The following PUS3 variants were observed in gnomAD, a reference collection of about 807,000 sequenced individuals.
The protein encoded by PUS3 is pseudouridine synthase 3.
A neutral mutation model predicts 43.3 loss-of-function variants in PUS3; 36 were observed. The observed-to-expected ratio is 0.83, with a 90% CI of 0.64 to 1.10. The LOEUF (loss-of-function observed/expected upper bound fraction) is 1.10, where lower values mean the gene tolerates loss of function less well. PUS3 is among the 50% of genes least tolerant of loss of function. The pLI is 0.00. For synonymous variants in PUS3, 183 were observed against 199.2 expected, an observed-to-expected ratio of 0.92 and a Z score of 0.69; for missense variants, 544 against 589.9, an observed-to-expected ratio of 0.92 and a Z score of 0.81.
chr11:125,902,168 C>T (rs1944790484), intron 1 of PUS3, among the ~76,000 whole-genome samples: 4 of 152,092 alleles, frequency 2.6e-5, no homozygotes, highest in African/African-American at 2.4e-5. Flanking sequence ...TACCCTAATT[C>T]AGGGTGAAGT....
At chr11:125,901,890 A>G (rs1490884674) in intron 1 of PUS3, among the ~76,000 whole-genome samples, 3 of 152,226 alleles carry the variant, frequency 2.0e-5, no homozygotes, top group Non-Finnish European at 4.4e-5. Context: ...CACACAGGGA[A>G]AGATCAAAAC....
chr11:125,895,964 C>T lies in PUS3; in HGVS notation c.321G>A (p.Gln107=). The T allele has an allele frequency of 6.2e-7, 1 of 1,614,140 alleles. No homozygotes were observed. ...TCCCACATCGGTGATAGTTGGATGT[C>T]TGTCTGCTTTCTACTAGTCGAGTCT... is the stretch of plus-strand genomic sequence containing the variant. ...LTKTRLVESR[Q]TSNYHRCGRT... The change falls in exon 2 of 4, where the codon CAG becomes CAA. Residue 107 remains glutamine, a synonymous_variant. Coordinates refer to ENST00000227474, the MANE Select transcript of PUS3 (RefSeq NM_031307.4).
chr11:125,900,074 G>A (rs768583192), intron 1 of PUS3: 4 of 1,614,166 alleles, frequency 2.5e-6, no homozygotes, highest in Non-Finnish European at 3.4e-6. Flanking sequence ...TCATAGAAAG[G>A]AATTACGCTG....
Position 125,893,676 on chromosome 11 carries a change from T to A in PUS3, c.*109A>T, listed in dbSNP as rs2134238711. The A allele has an allele frequency of 7.7e-6, 6 of 779,982 alleles. No individual in the cohort carries two copies. Among genetic ancestry groups the A allele is most frequent in the East Asian group, 5.8e-5 (2 of 34,424 alleles). 48.3% of individuals were successfully genotyped at this position (779,982 alleles called of 1,614,324 possible). A position where few individuals can be genotyped will look rare whatever the true frequency, so the allele number is the denominator to read the frequency against. On this transcript the variant is annotated 3_prime_UTR_variant, in exon 4 of 4. Coordinates refer to ENST00000227474, the MANE Select transcript of PUS3 (RefSeq NM_031307.4). ...AGTCTTTTTGCTTTTTTTTTTCTTT[T>A]AAGAGCTGATCATCTGAATTCCTAG...
chr11:125,900,352 A>C (rs986385679), intron 1 of PUS3: 1 of 1,363,866 alleles, frequency 7.3e-7, no homozygotes, highest in African/African-American at 1.4e-5. Context: ...AACTGTCTTG[A>C]GAAGCTCTTC....
intron 1 of PUS3, among the ~76,000 whole-genome samples, chr11:125,898,591 C>T (rs2134254116): frequency 6.6e-6 from 1 of 152,082 alleles, no homozygotes; most frequent in South Asian, 2.1e-4. Flanking sequence ...ACAGGATAAT[C>T]GCTTGAACCC....
rs1944480284 is a variant in PUS3, at chr11:125,893,731, T to G, written c.*54A>C. 7.2e-7 allele frequency: 1 copy of G among 1,385,410 alleles called. No homozygotes were observed. Among genetic ancestry groups the G allele is most frequent in the African/African-American group, 1.5e-5 (1 of 67,766 alleles). 85.8% of individuals were successfully genotyped at this position (1,385,410 alleles called of 1,614,324 possible). Reference sequence around the variant, plus strand: ...TGCAAGTAAATTTTTTTTTTTTTCCTTTTCTGTCCACCTACCATTAGGTGG... The same window carrying G: ...TGCAAGTAAATTTTTTTTTTTTTCCGTTTCTGTCCACCTACCATTAGGTGG... On this transcript the variant is annotated 3_prime_UTR_variant, in exon 4 of 4. Transcript: ENST00000227474.
At chr11:125,902,148 C>A (rs1475005903) in intron 1 of PUS3, among the ~76,000 whole-genome samples, 1 of 152,022 alleles carries the variant, frequency 6.6e-6, no homozygotes, top group African/African-American at 2.4e-5. Context: ...GTGCTTTTTC[C>A]AGCACACCTT....
intron 1 of PUS3, chr11:125,899,360 G>C: frequency 1.2e-6 from 2 of 1,613,716 alleles, no homozygotes; most frequent in Non-Finnish European, 1.7e-6. Flanking sequence ...CTACAGTGTA[G>C]GGGAAGCAAT....
intron 1 of PUS3, among the ~76,000 whole-genome samples, chr11:125,898,324 G>A (rs1257944225): frequency 2.0e-5 from 3 of 152,182 alleles, no homozygotes; most frequent in Admixed American, 1.3e-4. Context: ...GTGGCTGATT[G>A]ATGTGGATAC....
rs754261603 is a variant in PUS3 at position 125,893,687 on chromosome 11, C to A, written c.*98G>T. 7.1e-6 allele frequency: 6 copies of A among 847,074 alleles called. No homozygotes were observed. The highest frequency in any genetic ancestry group is 8.5e-6 in the Non-Finnish European group (5 of 589,476). The allele number at this position is 847,074 out of a possible 1,614,324, so 52.5% of individuals were successfully genotyped here. ...TTTTTTTTTTCTTTTAAGAGCTGAT[C>A]ATCTGAATTCCTAGTACTTGCAAGT... On this transcript the variant is annotated 3_prime_UTR_variant, in exon 4 of 4. Transcript: ENST00000227474.
chr11:125,895,210 T>C lies in PUS3; in HGVS notation c.944+14A>G, dbSNP rs762068705. 2 of 1,540,410 alleles carry C rather than the reference T, an allele frequency of 1.3e-6. No homozygotes were observed. Among genetic ancestry groups the C allele is most frequent in the Non-Finnish European group, 1.7e-6 (2 of 1,147,960 alleles). On this transcript the variant is annotated intron_variant, in intron 3 of 3. Coordinates refer to ENST00000227474, the MANE Select transcript of PUS3 (RefSeq NM_031307.4). ...CTACAGGCATGTGCCATTTATTTTT[T>C]ATTTTTAACTCACCTATATTGAGGC...
In PUS3 at chr11:125,894,045, T is replaced by C; in HGVS notation, c.1186A>G (p.Ile396Val). ...TCTACAAAGGCACTGGTCTGCTTTATGACAGAGGGCTTAACATTTCCCCAT... is the reference window on the plus strand; with the variant it reads ...TCTACAAAGGCACTGGTCTGCTTTACGACAGAGGGCTTAACATTTCCCCAT... ...TEWGNVKPSVIKQTSAFVEGV... is the reference protein window; with the variant it reads ...TEWGNVKPSVVKQTSAFVEGV... The change falls in exon 4 of 4, where the codon ATA (isoleucine) becomes GTA (valine). Residue 396 changes from isoleucine (I) to valine (V), a missense_variant. By Grantham distance (29) the Ile-to-Val change is conservative. Transcript: ENST00000227474. The C allele has an allele frequency of 6.2e-7, 1 of 1,614,236 alleles. No individual in the cohort carries two copies. Among genetic ancestry groups the C allele is most frequent in the African/African-American group, 1.3e-5 (1 of 75,056 alleles).
At chr11:125,900,101 A>C (rs1227150584) in intron 1 of PUS3, 10 of 1,614,090 alleles carry the variant, frequency 6.2e-6, no homozygotes, top group Non-Finnish European at 8.5e-6. Flanking sequence ...CCGAGAGCAG[A>C]TGCTTTGTCG....
chr11:125,895,874 G>T (rs930179969), intron 2 of PUS3, 33 bp downstream of exon 2: 2 of 1,600,018 alleles, frequency 1.2e-6, no homozygotes, highest in Non-Finnish European at 1.7e-6. Context: ...TCCTAGTATT[G>T]CTTGCTTTGA....
Position 125,893,714 on chromosome 11 carries a change from A to AGT in PUS3, c.*70_*71insAC. On this transcript the variant is annotated 3_prime_UTR_variant, in exon 4 of 4. Transcript: ENST00000227474. ...TCTGAATTCCTAGTACTTGCAAGTA[A>AGT]ATTTTTTTTTTTTTCCTTTTCTGTC... 7.6e-7 allele frequency: 1 copy of AGT among 1,312,310 alleles called. No homozygotes were observed. The highest frequency in any genetic ancestry group is 1.0e-6 in the Non-Finnish European group (1 of 984,016). The allele number at this position is 1,312,310 out of a possible 1,614,324, so 81.3% of individuals were successfully genotyped here.
chr11:125,896,573 A>C (rs1944597965), intron 1 of PUS3, among the ~76,000 whole-genome samples: 1 of 152,228 alleles, frequency 6.6e-6, no homozygotes, highest in East Asian at 1.9e-4. Context: ...TCATTAAAGC[A>C]GTCAAAATTC....
intron 1 of PUS3, chr11:125,899,594 A>C: frequency 5.0e-6 from 8 of 1,614,186 alleles, no homozygotes; most frequent in Non-Finnish European, 5.9e-6. Context: ...TGTAGAAAGT[A>C]ATGTCCCTTC....
At position 125,900,164 on chromosome 11, in the gene PUS3, G is replaced by C. The variant is rs1944722756; in HGVS notation, c.-47+3006C>G. On this transcript the variant is annotated intron_variant, in intron 1 of 3. Coordinates refer to ENST00000227474, the MANE Select transcript of PUS3 (RefSeq NM_031307.4). ...TATATATGTCCCAAACAATTATCTA[G>C]TACCAACAGAGAAGAAAAGGTCTGC... The C allele has an allele frequency of 3.1e-6, 5 of 1,614,196 alleles. No individual in the cohort carries two copies. In the East Asian group the frequency reaches 1.1e-4, roughly 36 times the overall value.
Sources: gnomAD v4.1 joint callset for allele counts (sites outside exome capture counted in the v4.1 genomes callset) on GRCh38, gnomAD v4.1.1 for gene constraint, MANE v1.5 for transcripts, NCBI Gene and HGNC (gene_info 2026-07-23, HGNC 2026-07-21) for gene names.